TVP23B: variants seen among roughly 807,000 people sequenced by gnomAD.
The protein encoded by TVP23B is Golgi apparatus membrane protein TVP23 homolog B.
In TVP23B, 10 loss-of-function variants were observed where a neutral mutation model predicts 30.6. The ratio of observed to expected loss-of-function variants is 0.33; its 90% CI spans 0.20 to 0.55. The LOEUF is 0.55. Ranked by LOEUF, TVP23B falls within the 20% of genes least tolerant of loss-of-function variation. The pLI is 0.91. For missense variants in TVP23B, 153 were observed against 243.2 expected, an observed-to-expected ratio of 0.63 and a Z score of 2.47; for synonymous variants, 67 against 83.1, an observed-to-expected ratio of 0.81 and a Z score of 1.06.
intron 1 of TVP23B, among the ~76,000 whole-genome samples, chr17:18,783,452 C>T (rs1302879858): frequency 6.6e-6 from 1 of 152,192 alleles, no homozygotes; most frequent in African/African-American, 2.4e-5. Flanking sequence ...CAGTCGAGCC[C>T]TTAGTGCTGC....
intron 5 of TVP23B, 60 bp downstream of exon 5, chr17:18,799,003 A>C: frequency 1.3e-6 from 2 of 1,562,860 alleles, no homozygotes; most frequent in Non-Finnish European, 1.7e-6. Flanking sequence ...TAATCATAGG[A>C]AGCAACAACT....
chr17:18,786,047 C>A (rs1215504562), intron 1 of TVP23B, among the ~76,000 whole-genome samples: 1 of 152,102 alleles, frequency 6.6e-6, no homozygotes, highest in Non-Finnish European at 1.5e-5. Flanking sequence ...GGATCCCTTC[C>A]CCATCTTAAT....
At chr17:18,800,851 A>G (rs2036153197) in intron 5 of TVP23B, among the ~76,000 whole-genome samples, 1 of 152,192 alleles carries the variant, frequency 6.6e-6, no homozygotes, top group Admixed American at 6.5e-5. Context: ...ATTTGTTCTC[A>G]TCTACTATTT....
chr17:18,790,053 T>C (rs557606523), intron 2 of TVP23B, among the ~76,000 whole-genome samples: 94 of 152,306 alleles, frequency 6.2e-4, no homozygotes, highest in African/African-American at 2.0e-3. Flanking sequence ...TAATGAAAAG[T>C]TGTAAAATTG....
chr17:18,793,139 T>TG (rs1226887777), intron 3 of TVP23B, among the ~76,000 whole-genome samples: 2 of 152,146 alleles, frequency 1.3e-5, no homozygotes, highest in African/African-American at 4.8e-5. Context: ...ATGAGGCCTG[T>TG]GGGCAGAGGG....
intron 1 of TVP23B, among the ~76,000 whole-genome samples, chr17:18,782,850 C>A (rs1421892162): frequency 1.3e-5 from 2 of 151,534 alleles, no homozygotes; most frequent in African/African-American, 4.9e-5. Flanking sequence ...TTTATTGCAA[C>A]CTGTTTTTTC....
At chr17:18,798,367 T>C (rs2151850024) in intron 4 of TVP23B, among the ~76,000 whole-genome samples, 1 of 152,048 alleles carries the variant, frequency 6.6e-6, no homozygotes, top group Non-Finnish European at 1.5e-5. Context: ...TGGGTATTGC[T>C]AAGACATTTT....
chr17:18,793,623 T>C (rs890634732), intron 3 of TVP23B, among the ~76,000 whole-genome samples: 2 of 150,120 alleles, frequency 1.3e-5, no homozygotes, highest in Non-Finnish European at 3.0e-5. Context: ...TAATGGCAAC[T>C]ATTAGTAAAA....
intron 5 of TVP23B, among the ~76,000 whole-genome samples, chr17:18,801,532 G>T (rs1376606868): frequency 2.0e-5 from 3 of 152,188 alleles, no homozygotes; most frequent in Non-Finnish European, 4.4e-5. Context: ...CAGGTGTGAT[G>T]TGCGATGTGG....
intron 5 of TVP23B, among the ~76,000 whole-genome samples, chr17:18,800,270 C>G (rs1386459657): frequency 6.6e-6 from 1 of 151,984 alleles, no homozygotes. Flanking sequence ...CCTCCTTTCT[C>G]TCTTGTTTGT....
intron 1 of TVP23B, among the ~76,000 whole-genome samples, chr17:18,787,169 C>T (rs1255519815): frequency 3.9e-5 from 6 of 152,118 alleles, no homozygotes; most frequent in African/African-American, 9.7e-5. Flanking sequence ...GTGAGGTGGG[C>T]GGATCCCTTG....
intron 1 of TVP23B, among the ~76,000 whole-genome samples, chr17:18,784,071 G>A (rs1214626119): frequency 2.0e-5 from 3 of 152,100 alleles, no homozygotes; most frequent in African/African-American, 7.2e-5. Flanking sequence ...CATAAACCTG[G>A]GAGGCGGAGC....
At chr17:18,803,926 G>T (rs1314642218) in intron 5 of TVP23B, among the ~76,000 whole-genome samples, 1 of 151,848 alleles carries the variant, frequency 6.6e-6, no homozygotes, top group African/African-American at 2.4e-5. Flanking sequence ...GTAAATATTT[G>T]CTGGGTGAAT....
intron 3 of TVP23B, 100 bp from the exon 4 acceptor site, chr17:18,797,479 G>A: frequency 1.3e-6 from 2 of 1,574,876 alleles, no homozygotes; most frequent in Non-Finnish European, 1.7e-6. Flanking sequence ...AGGTAAAGCT[G>A]AAGGTTTTTG....
intron 3 of TVP23B, 153 bp from the exon 4 acceptor site, chr17:18,797,426 C>A (rs2036092549): frequency 1.4e-6 from 2 of 1,458,604 alleles, no homozygotes; most frequent in South Asian, 1.4e-5. Flanking sequence ...AATCACTTAG[C>A]CAGGCCTGAT....
intron 5 of TVP23B, among the ~76,000 whole-genome samples, chr17:18,802,120 G>GC (rs2036177363): frequency 6.6e-6 from 1 of 152,154 alleles, no homozygotes; most frequent in African/African-American, 2.4e-5. Flanking sequence ...TACTCGGGAG[G>GC]CTGAGGCAGG....
chr17:18,787,420 C>A (rs979331274), intron 1 of TVP23B, among the ~76,000 whole-genome samples: 5 of 123,764 alleles, frequency 4.0e-5, no homozygotes, highest in South Asian at 2.9e-4. Flanking sequence ...AAAAAAAAAA[C>A]CTTGTCTTCT....
At position 18,797,574 on chromosome 17, in the gene TVP23B, A is replaced by G. The variant is rs1369488269; in HGVS notation, c.241-5A>G. On this transcript the variant is annotated splice_region_variant and splice_polypyrimidine_tract_variant and intron_variant, in intron 3 of 6. Coordinates refer to ENST00000307767, the MANE Select transcript of TVP23B (RefSeq NM_016078.6). Reference sequence around the variant, plus strand: ...AATGTGCCTGTTTATATTAATCTTCACCAGAATGTCACAGGTAGACTAATG... The same window carrying G: ...AATGTGCCTGTTTATATTAATCTTCGCCAGAATGTCACAGGTAGACTAATG... 7 of 1,612,330 alleles carry G rather than the reference A, an allele frequency of 4.3e-6. No individual in the cohort carries two copies.
chr17:18,794,296 CTG>C (rs2151848033), intron 3 of TVP23B, among the ~76,000 whole-genome samples: 1 of 152,308 alleles, frequency 6.6e-6, no homozygotes, highest in Admixed American at 6.5e-5. Context: ...CTAAATATCA[CTG>C]TGAAGAAAAT....
Sources: allele counts gnomAD v4.1 joint callset (sites outside exome capture counted in the v4.1 genomes callset), GRCh38; gene constraint gnomAD v4.1.1; transcripts MANE v1.5; gene names NCBI Gene and HGNC (gene_info 2026-07-23, HGNC 2026-07-21).